Variants in PAM observed in about 807,000 individuals in gnomAD.
PAM encodes the protein peptidyl-glycine alpha-amidating monooxygenase.
In PAM, 72 loss-of-function variants were observed where a neutral mutation model predicts 122.1. The ratio of observed to expected loss-of-function variants is 0.59; its 90% confidence interval spans 0.49 to 0.72. The LOEUF (loss-of-function observed/expected upper bound fraction) is 0.72. PAM is among the 30% of genes least tolerant of loss of function. The pLI is 0.00. For missense variants in PAM, 1,106 were observed against 1,183.7 expected (o/e 0.93, Z 0.96); for synonymous variants, 389 against 404.4 (o/e 0.96, Z 0.46).
intron 3 of PAM, among the ~76,000 whole-genome samples, chr5:102,871,318 T>C (rs1193584952): frequency 1.3e-5 from 2 of 152,190 alleles, no homozygotes; most frequent in Admixed American, 6.5e-5. Flanking sequence ...TTATTATTAC[T>C]TGTGTTCAGG....
intron 1 of PAM, among the ~76,000 whole-genome samples, chr5:102,764,679 A>G (rs897055325): frequency 6.6e-6 from 1 of 152,210 alleles, no homozygotes; most frequent in Non-Finnish European, 1.5e-5. Context: ...CAGTTTTTCA[A>G]AGTCCCTTAC....
intron 1 of PAM, among the ~76,000 whole-genome samples, chr5:102,775,822 A>G (rs534006558): frequency 6.4e-4 from 98 of 152,256 alleles, no homozygotes; most frequent in African/African-American, 2.2e-3. Flanking sequence ...TATCTTTATA[A>G]TAGAATGATT....
chr5:102,842,998 G>T (rs938064694), intron 1 of PAM, among the ~76,000 whole-genome samples: 21 of 152,262 alleles, frequency 1.4e-4, no homozygotes, highest in Admixed American at 1.0e-3. Context: ...AAGAAGCAAG[G>T]TCCTAACATG....
intron 1 of PAM, among the ~76,000 whole-genome samples, chr5:102,807,717 G>A (rs1267236479): frequency 2.0e-5 from 3 of 152,172 alleles, no homozygotes; most frequent in Admixed American, 6.5e-5. Flanking sequence ...AGTATTCACC[G>A]TTAAGGATAA....
chr5:102,957,739 A>G (rs1283954594), intron 12 of PAM, among the ~76,000 whole-genome samples: 1 of 152,138 alleles, frequency 6.6e-6, no homozygotes, highest in Admixed American at 6.5e-5. Context: ...CATCTTGGCC[A>G]GGCTGGTCTT....
At chr5:102,833,263 C>T (rs57414743) in intron 1 of PAM, among the ~76,000 whole-genome samples, 4 of 152,068 alleles carry the variant, frequency 2.6e-5, no homozygotes, top group Non-Finnish European at 5.9e-5. Context: ...AATATTGTGT[C>T]AGTGCCTGAG....
In PAM at chr5:102,863,786, GT is replaced by G. The variant is rs1044191187; in HGVS notation, c.-373-2027del. On this transcript the variant is annotated intron_variant, in intron 1 of 25. Coordinates refer to ENST00000438793, the MANE Select transcript of PAM (RefSeq NM_001177306.2). Reference sequence around the variant, plus strand: ...TAAAAAAAATAAAATAGGTGGACATGTTTTTTTTTTGATCTGATGATTTGTA... The same window carrying G: ...TAAAAAAAATAAAATAGGTGGACATGTTTTTTTTTGATCTGATGATTTGTA... Among the ~76,000 whole-genome samples, 28 of 146,676 alleles carry G rather than the reference GT, an allele frequency of 1.9e-4. No individual in the cohort carries two copies. In the South Asian group the frequency reaches 3.0e-3, roughly 16 times the overall value.
At chr5:102,851,719 T>G (rs1781392669) in intron 1 of PAM, among the ~76,000 whole-genome samples, 1 of 152,208 alleles carries the variant, frequency 6.6e-6, no homozygotes, top group Non-Finnish European at 1.5e-5. Context: ...AATAGTATTG[T>G]TTTAATATCT....
At chr5:102,772,880 G>C (rs1429551505) in intron 1 of PAM, among the ~76,000 whole-genome samples, 1 of 152,100 alleles carries the variant, frequency 6.6e-6, no homozygotes, top group Non-Finnish European at 1.5e-5. Context: ...ATGTATCACA[G>C]ATTTTCAAAT....
intron 1 of PAM, among the ~76,000 whole-genome samples, chr5:102,854,298 T>C (rs955540887): frequency 6.6e-6 from 1 of 152,204 alleles, no homozygotes; most frequent in Non-Finnish European, 1.5e-5. Context: ...CCATGAAATG[T>C]CCTCATTTTA....
chr5:102,771,093 G>T (rs911937030), intron 1 of PAM, among the ~76,000 whole-genome samples: 6 of 152,000 alleles, frequency 3.9e-5, no homozygotes, highest in African/African-American at 1.4e-4. Context: ...GCTATGTAGA[G>T]AAAACAAAAA....
chr5:102,891,515 C>G (rs1441823659), intron 3 of PAM, among the ~76,000 whole-genome samples: 2 of 151,788 alleles, frequency 1.3e-5, no homozygotes, highest in Admixed American at 1.3e-4. Context: ...TAACTTTGCC[C>G]TTGACCATTA....
chr5:102,974,648 G>A, intron 15 of PAM: 1 of 407,398 alleles, frequency 2.5e-6, no homozygotes, highest in South Asian at 6.9e-5. Context: ...TAAATTTAGT[G>A]TCTGTTCTAT....
At chr5:102,831,502 T>C (rs769711431) in intron 1 of PAM, among the ~76,000 whole-genome samples, 3 of 152,050 alleles carry the variant, frequency 2.0e-5, no homozygotes, top group Non-Finnish European at 4.4e-5. Context: ...GATTAAATCT[T>C]TGAGGAATTA....
intron 24 of PAM, among the ~76,000 whole-genome samples, chr5:103,026,476 A>G (rs1784969999): frequency 6.6e-6 from 1 of 152,228 alleles, no homozygotes; most frequent in South Asian, 2.1e-4. Context: ...ATGTGCCATC[A>G]ATAAATCTCT....
intron 3 of PAM, 81 bp downstream of exon 3, chr5:102,867,474 G>T: frequency 2.0e-6 from 2 of 1,017,390 alleles, no homozygotes; most frequent in East Asian, 5.0e-5. Flanking sequence ...ATTTACAGCT[G>T]TAGGAACTTC....
At chr5:102,965,276 T>G (rs557783027) in intron 14 of PAM, among the ~76,000 whole-genome samples, 93 of 151,838 alleles carry the variant, frequency 6.1e-4, no homozygotes, top group African/African-American at 2.1e-3. Flanking sequence ...GCATTATAAT[T>G]TCTTATATGC....
intron 17 of PAM, among the ~76,000 whole-genome samples, chr5:103,003,792 C>G (rs1055163796): frequency 2.6e-5 from 4 of 152,058 alleles, no homozygotes; most frequent in South Asian, 2.1e-4. Context: ...TCAGGACAAC[C>G]AAACTCATCA....
chr5:102,930,723 C>A (rs1751203212), intron 7 of PAM, among the ~76,000 whole-genome samples: 1 of 152,160 alleles, frequency 6.6e-6, no homozygotes, highest in Non-Finnish European at 1.5e-5. Context: ...GGCTTGAGTA[C>A]ATGGAAAAGC....
Sources: allele counts gnomAD v4.1 joint callset (sites outside exome capture counted in the v4.1 genomes callset), GRCh38; gene constraint gnomAD v4.1.1; transcripts MANE v1.5; gene names NCBI Gene and HGNC (gene_info 2026-07-23, HGNC 2026-07-21).